SEMA3A: variants seen among roughly 807,000 people sequenced by gnomAD.
The protein encoded by SEMA3A is semaphorin-3A.
SEMA3A carries 29 observed loss-of-function variants against 97.9 expected under a neutral mutation model. The ratio of observed to expected loss-of-function variants is 0.30; its 90% CI spans 0.22 to 0.40. SEMA3A has a LOEUF of 0.40. SEMA3A is among the 10% of genes least tolerant of loss of function. The pLI, the probability that SEMA3A is intolerant of heterozygous loss-of-function variation, is 1.00. For missense variants in SEMA3A, 763 were observed against 951.3 expected (o/e 0.80, Z 2.60); for synonymous variants, 321 against 323.7 (o/e 0.99, Z 0.09).
intron 3 of SEMA3A, among the ~76,000 whole-genome samples, chr7:84,214,811 G>T (rs1007518712): frequency 6.7e-6 from 1 of 150,266 alleles, no homozygotes; most frequent in Non-Finnish European, 1.5e-5. Context: ...CAATTCTCCT[G>T]CCCCAGCCTC....
rs1788383827 is a variant in SEMA3A, at chr7:83,959,425, A to T, written c.*1946T>A. ...CTTTCTGTACAGTGGTGTGTCCTTC[A>T]AATAATTTAACAATTTGGCTTCCAT... On this transcript the variant is annotated 3_prime_UTR_variant, in exon 17 of 17. Transcript: ENST00000265362. 6.6e-6 allele frequency: 1 copy of T among 152,098 alleles called. No homozygotes were observed. Among genetic ancestry groups the T allele is most frequent in the African/African-American group, 2.4e-5 (1 of 41,464 alleles). 9.4% of individuals were successfully genotyped at this position (152,098 alleles called of 1,614,324 possible). A position where few individuals can be genotyped will look rare whatever the true frequency, so the allele number is the denominator to read the frequency against.
intron 2 of SEMA3A, among the ~76,000 whole-genome samples, chr7:84,316,564 A>T (rs1299801435): frequency 6.6e-6 from 1 of 152,142 alleles, no homozygotes; most frequent in Non-Finnish European, 1.5e-5. Flanking sequence ...CTATAAGTCT[A>T]TATATTAAAA....
At chr7:84,330,282 T>C (rs559482745) in intron 2 of SEMA3A, among the ~76,000 whole-genome samples, 1 of 152,172 alleles carries the variant, frequency 6.6e-6, no homozygotes, top group Middle Eastern at 3.4e-3. Context: ...CATTATTAAG[T>C]ATTTTCATAG....
chr7:84,060,525 C>T lies in SEMA3A; in HGVS notation c.487G>A (p.Glu163Lys), dbSNP rs868437394. Residue 163 changes from glutamate (E) to lysine (K), a missense_variant, in exon 5 of 17, where the codon GAA becomes AAA. By Grantham distance (56) the Glu-to-Lys change is moderately conservative. Transcript: ENST00000265362. Reference sequence around the variant, plus strand: ...TATGGACTCTTCCCACGGCCGTTTTCAAAATGTGAGTTCTCCAGCTTAAAA... The same window carrying T: ...TATGGACTCTTCCCACGGCCGTTTTTAAAATGTGAGTTCTCCAGCTTAAAA... ...NIFKLENSHF[E>K]NGRGKSPYDP... is the part of the protein sequence containing the mutation. 1 of 1,594,646 alleles carries T rather than the reference C, an allele frequency of 6.3e-7. No individual in the cohort carries two copies. Among genetic ancestry groups the T allele is most frequent in the Non-Finnish European group, 8.5e-7 (1 of 1,173,024 alleles).
intron 1 of SEMA3A, among the ~76,000 whole-genome samples, chr7:84,379,066 T>C (rs558036294): frequency 1.5e-4 from 23 of 152,142 alleles, no homozygotes; most frequent in African/African-American, 4.8e-4. Context: ...TAGCTGGGAC[T>C]ACAGGCGCCC....
chr7:84,119,544 T>G (rs779687311), intron 3 of SEMA3A, among the ~76,000 whole-genome samples: 7 of 152,176 alleles, frequency 4.6e-5, no homozygotes, highest in Non-Finnish European at 1.0e-4. Context: ...CACAAATGAT[T>G]TTTATGTTTC....
At chr7:84,166,673 T>C (rs1797218505) in intron 1 of SEMA3A, among the ~76,000 whole-genome samples, 2 of 150,540 alleles carry the variant, frequency 1.3e-5, no homozygotes, top group South Asian at 4.2e-4. Flanking sequence ...GAGTTCAAGA[T>C]CAGCCTCGCC....
At chr7:84,328,460 TAGAC>T (rs1476008231) in intron 2 of SEMA3A, among the ~76,000 whole-genome samples, 9 of 151,934 alleles carry the variant, frequency 5.9e-5, no homozygotes, top group East Asian at 1.9e-4. Context: ...AGAGACAAAA[TAGAC>T]AGTAACTTTT....
chr7:84,372,897 C>A (rs373925719), intron 1 of SEMA3A, among the ~76,000 whole-genome samples: 3 of 152,108 alleles, frequency 2.0e-5, no homozygotes, highest in African/African-American at 7.2e-5. Flanking sequence ...AGGGGAACAG[C>A]ATATTTCCCC....
chr7:83,983,802 A>T (rs1431203405), intron 13 of SEMA3A, among the ~76,000 whole-genome samples: 1 of 152,170 alleles, frequency 6.6e-6, no homozygotes, highest in African/African-American at 2.4e-5. Flanking sequence ...CCAATTTAAC[A>T]TCACCACAGG....
chr7:84,390,162 G>A (rs1185018967), intron 1 of SEMA3A, among the ~76,000 whole-genome samples: 1 of 151,908 alleles, frequency 6.6e-6, no homozygotes, highest in Non-Finnish European at 1.5e-5. Context: ...ACATGATTGT[G>A]TTTTGGGACA....
intron 5 of SEMA3A, among the ~76,000 whole-genome samples, chr7:84,052,874 A>C (rs1182396645): frequency 6.6e-6 from 1 of 151,418 alleles, no homozygotes; most frequent in East Asian, 1.9e-4. Context: ...CCCTCTACAC[A>C]TCACTTTGAA....
At chr7:84,245,958 G>T (rs949046552) in intron 3 of SEMA3A, among the ~76,000 whole-genome samples, 1 of 152,158 alleles carries the variant, frequency 6.6e-6, no homozygotes, top group African/African-American at 2.4e-5. Context: ...GCCCATAGCC[G>T]CCCCTTTCCC....
At chr7:84,023,967 G>C (rs1221836332) in intron 6 of SEMA3A, among the ~76,000 whole-genome samples, 1 of 148,762 alleles carries the variant, frequency 6.7e-6, no homozygotes, top group Admixed American at 6.8e-5. Flanking sequence ...AACGGAGATC[G>C]CGCCACTGCA....
intron 6 of SEMA3A, among the ~76,000 whole-genome samples, chr7:84,041,654 G>A (rs748989165): frequency 2.0e-5 from 3 of 152,002 alleles, no homozygotes; most frequent in Admixed American, 6.6e-5. Flanking sequence ...TAATTCAAAC[G>A]TTTTAAAATA....
chr7:84,241,522 T>A (rs747902060), intron 3 of SEMA3A, among the ~76,000 whole-genome samples: 1 of 152,206 alleles, frequency 6.6e-6, no homozygotes, highest in African/African-American at 2.4e-5. Flanking sequence ...GTCAGATGGA[T>A]AGATCGCAAA....
chr7:84,017,789 CCT>C (rs1490645787), intron 6 of SEMA3A, among the ~76,000 whole-genome samples: 4 of 152,118 alleles, frequency 2.6e-5, no homozygotes, highest in African/African-American at 9.7e-5. Flanking sequence ...GTATTCATCC[CCT>C]CACTGATGAA....
intron 1 of SEMA3A, among the ~76,000 whole-genome samples, chr7:84,452,139 AAAG>A (rs775176380): frequency 6.6e-6 from 1 of 152,184 alleles, no homozygotes; most frequent in Non-Finnish European, 1.5e-5. Context: ...AAAAACATTC[AAAG>A]AAGGATCACA....
At chr7:84,107,167 C>G (rs577709161) in intron 4 of SEMA3A, among the ~76,000 whole-genome samples, 1 of 152,196 alleles carries the variant, frequency 6.6e-6, no homozygotes, top group East Asian at 1.9e-4. Context: ...CTCACTCTCC[C>G]GATCTATTAC....
Sources: gnomAD v4.1 joint callset for allele counts (sites outside exome capture counted in the v4.1 genomes callset) on GRCh38, gnomAD v4.1.1 for gene constraint, MANE v1.5 for transcripts, NCBI Gene and HGNC (gene_info 2026-07-23, HGNC 2026-07-21) for gene names.